SPATA16: variants seen among roughly 807,000 people sequenced by gnomAD.
SPATA16 encodes spermatogenesis associated 16.
Under a neutral mutation model 63.3 loss-of-function variants are expected in SPATA16, and 36 were observed. The observed-to-expected ratio is 0.57, with a 90% CI of 0.44 to 0.75. The LOEUF (loss-of-function observed/expected upper bound fraction) is 0.75, where lower values mean the gene tolerates loss of function less well. SPATA16 is among the 30% of genes least tolerant of loss of function. The pLI is 0.00. For synonymous variants in SPATA16, 203 were observed against 216.7 expected (o/e 0.94, Z 0.56); for missense variants, 646 against 679.3 (o/e 0.95, Z 0.54).
chr3:173,036,865 AT>A (rs1735723964), intron 3 of SPATA16, among the ~76,000 whole-genome samples: 1 of 151,874 alleles, frequency 6.6e-6, no homozygotes, highest in African/African-American at 2.4e-5. Context: ...TTGCATGGTT[AT>A]TTTTTCATAA....
At chr3:173,003,209 C>T (rs942014135) in intron 4 of SPATA16, among the ~76,000 whole-genome samples, 21 of 151,776 alleles carry the variant, frequency 1.4e-4, no homozygotes, top group African/African-American at 5.1e-4. Flanking sequence ...ACAAACAATC[C>T]AGTAAAAAGT....
At chr3:173,005,327 GA>G (rs531594936) in intron 4 of SPATA16, among the ~76,000 whole-genome samples, 1,889 of 78,876 alleles carry the variant, frequency 0.024, 31 homozygotes, top group African/African-American at 0.074. Flanking sequence ...TGTCTCAAAA[GA>G]AAAAAAAAAA....
intron 1 of SPATA16, among the ~76,000 whole-genome samples, chr3:173,127,609 A>G (rs1738260892): frequency 6.6e-6 from 1 of 152,176 alleles, no homozygotes; most frequent in Admixed American, 6.5e-5. Flanking sequence ...GATTTTTCTG[A>G]TACTTCTTCA....
chr3:172,958,709 A>G (rs1290345534), intron 5 of SPATA16, among the ~76,000 whole-genome samples: 1 of 152,084 alleles, frequency 6.6e-6, no homozygotes, highest in African/African-American at 2.4e-5. Context: ...GTTTCTTCTG[A>G]GGGTCTCTCT....
At chr3:173,098,188 A>G (rs1430603125) in intron 2 of SPATA16, among the ~76,000 whole-genome samples, 1 of 151,970 alleles carries the variant, frequency 6.6e-6, no homozygotes, top group Non-Finnish European at 1.5e-5. Context: ...TTAAAGCCCT[A>G]TTAATAATAG....
rs567922085 is a variant in SPATA16 at position 172,964,100 on chromosome 3, A to T, written c.934-7276T>A. Among the ~76,000 whole-genome samples the T allele has an allele frequency of 9.9e-5, 15 of 152,272 alleles. No individual in the cohort carries two copies. The South Asian group carries it at 3.1e-3, about 32-fold the overall frequency. On this transcript the variant is annotated intron_variant, in intron 5 of 10. Transcript: ENST00000351008. Reference sequence around the variant, plus strand: ...CCTCTTTATAACAATTCTAACACAAAATGGAATATTCATCACTCACACCTA... The same window carrying T: ...CCTCTTTATAACAATTCTAACACAATATGGAATATTCATCACTCACACCTA...
At position 172,998,864 on chromosome 3, in the gene SPATA16, T is replaced by C. The variant is rs534220903; in HGVS notation, c.848+20622A>G. Among the ~76,000 whole-genome samples the C allele has an allele frequency of 2.6e-5, 4 of 152,332 alleles. No homozygotes were observed. In the South Asian group the frequency reaches 8.3e-4, roughly 32 times the overall value. Reference sequence around the variant, plus strand: ...GATTACTTCAATTTATTTTCAAATATTGAATTATTTTTCTATACCTGGAAT... The same window carrying C: ...GATTACTTCAATTTATTTTCAAATACTGAATTATTTTTCTATACCTGGAAT... On this transcript the variant is annotated intron_variant, in intron 4 of 10. Transcript: ENST00000351008.
rs1050778123 is a variant in SPATA16 at position 173,084,093 on chromosome 3, C to A, written c.612+33027G>T. Among the ~76,000 whole-genome samples the A allele has an allele frequency of 1.6e-4, 25 of 152,126 alleles. 1 individual carries two copies. Among genetic ancestry groups the A allele is most frequent in the Admixed American group, 9.8e-4 (15 of 15,268 alleles). ...TTCTGGTTCTAGGTCTTCAAGGAAT[C>A]GTTACACTGTCTTCTACTATGGCTG... On this transcript the variant is annotated intron_variant, in intron 2 of 10. Transcript: ENST00000351008.
chr3:173,064,821 T>TA (rs1170138480), intron 2 of SPATA16, among the ~76,000 whole-genome samples: 1 of 152,194 alleles, frequency 6.6e-6, no homozygotes, highest in East Asian at 1.9e-4. Flanking sequence ...AGAGTGTAGA[T>TA]ACAGAATGTG....
chr3:172,962,253 C>CAA (rs71162320), intron 5 of SPATA16, among the ~76,000 whole-genome samples: 4,505 of 47,238 alleles, frequency 0.095, 615 homozygotes, highest in African/African-American at 0.14. Flanking sequence ...GACTCTGTCT[C>CAA]AAAAAAAAAA....
chr3:173,104,561 A>C (rs1737575837), intron 2 of SPATA16, among the ~76,000 whole-genome samples: 1 of 152,166 alleles, frequency 6.6e-6, no homozygotes, highest in Non-Finnish European at 1.5e-5. Context: ...GTGCAGGAGC[A>C]AGTCAGGGGG....
intron 5 of SPATA16, among the ~76,000 whole-genome samples, chr3:172,958,865 T>A (rs1315905296): frequency 1.3e-5 from 2 of 152,170 alleles, no homozygotes; most frequent in Admixed American, 6.6e-5. Flanking sequence ...TCTAAAGCCC[T>A]CATTTTAATG....
rs1330640582 is a variant in SPATA16 at position 173,049,030 on chromosome 3, A to G, written c.677T>C (p.Val226Ala). The G allele has an allele frequency of 3.7e-6, 6 of 1,613,866 alleles. No homozygotes were observed. The highest frequency in any genetic ancestry group is 4.2e-6 in the Non-Finnish European group (5 of 1,179,796). ...FDAPAEDIAS[V>A]ASFIETKLVT... ...AAGCTTTGTCTCAATGAAACTTGCC[A>G]CGCTTGCTATATCTTCAGCAGGTGC... Residue 226 changes from valine to alanine, a missense_variant, in exon 3 of 11, where the codon GTG becomes GCG. Physicochemically the swap from Val to Ala is moderately conservative, Grantham distance 64. Coordinates refer to ENST00000351008, the MANE Select transcript of SPATA16 (RefSeq NM_031955.6).
chr3:173,088,024 TTCTTTCTTTCTTTCTTTCTTTCTTTC>T (rs1560118823), intron 2 of SPATA16, among the ~76,000 whole-genome samples: 1 of 114,600 alleles, frequency 8.7e-6, no homozygotes, highest in Non-Finnish European at 1.9e-5. Context: ...CTTTCTTTCT[TTCTTTCTTTCTTTCTTTCTTTCTTTC>T]TTTCTTTCTT....
chr3:173,069,068 C>T (rs1043321751), intron 2 of SPATA16, among the ~76,000 whole-genome samples: 2 of 148,132 alleles, frequency 1.4e-5, no homozygotes, highest in African/African-American at 2.5e-5. Context: ...TGAGATGGTG[C>T]CACTGCACTC....
intron 2 of SPATA16, among the ~76,000 whole-genome samples, chr3:173,054,715 A>C (rs1736176418): frequency 6.6e-6 from 1 of 152,198 alleles, no homozygotes; most frequent in Admixed American, 6.5e-5. Flanking sequence ...TACGTATGCA[A>C]CAAACCTGTA....
intron 4 of SPATA16, among the ~76,000 whole-genome samples, chr3:173,014,128 C>A (rs568369274): frequency 2.0e-5 from 3 of 152,300 alleles, no homozygotes; most frequent in African/African-American, 4.8e-5. Context: ...AAGACACATA[C>A]ACTTGTATGT....
intron 5 of SPATA16, among the ~76,000 whole-genome samples, chr3:172,962,519 T>TA (rs1222134443): frequency 6.6e-6 from 1 of 152,180 alleles, no homozygotes; most frequent in Non-Finnish European, 1.5e-5. Flanking sequence ...AATCCCTTTT[T>TA]ATCTACTAAT....
chr3:172,918,354 C>T (rs765224102), intron 8 of SPATA16, among the ~76,000 whole-genome samples: 12 of 152,206 alleles, frequency 7.9e-5, no homozygotes, highest in Non-Finnish European at 1.3e-4. Context: ...TCCAAAACGT[C>T]AGGAAAATAA....
Sources: gnomAD v4.1 joint callset for allele counts (sites outside exome capture counted in the v4.1 genomes callset) on GRCh38, gnomAD v4.1.1 for gene constraint, MANE v1.5 for transcripts, NCBI Gene and HGNC (gene_info 2026-07-23, HGNC 2026-07-21) for gene names.